Variants in FOXK2 observed in about 807,000 individuals in gnomAD.
FOXK2 encodes forkhead box K2, also known as forkhead box protein K2.
FOXK2 carries 24 observed loss-of-function variants against 53.3 expected under a neutral mutation model. That is an observed-to-expected ratio of 0.45 (90% CI 0.33 to 0.63). The LOEUF (loss-of-function observed/expected upper bound fraction) is 0.63. Among genes scored for constraint, FOXK2 ranks in the 30% least tolerant of loss-of-function variants. FOXK2 has a pLI of 0.03. For synonymous variants in FOXK2, 505 were observed against 407.1 expected (o/e 1.24, Z -2.89); for missense variants, 952 against 910.5 (o/e 1.05, Z -0.59).
At chr17:82,597,804 C>T (rs542073558) in intron 8 of FOXK2, among the ~76,000 whole-genome samples, 5 of 152,296 alleles carry the variant, frequency 3.3e-5, no homozygotes, top group Admixed American at 1.3e-4. Flanking sequence ...GTGCCCGCCA[C>T]CACACCTGGC....
chr17:82,538,257 GT>G, intron 1 of FOXK2, among the ~76,000 whole-genome samples: 1 of 152,192 alleles, frequency 6.6e-6, no homozygotes, highest in Non-Finnish European at 1.5e-5. Context: ...CGGGTGGGAG[GT>G]GGGAGGATTG....
intron 1 of FOXK2, among the ~76,000 whole-genome samples, chr17:82,542,409 C>T (rs2044583805): frequency 6.6e-6 from 1 of 152,106 alleles, no homozygotes; most frequent in Non-Finnish European, 1.5e-5. Context: ...AGGTGATCCG[C>T]CCGTCTCTGG....
At chr17:82,559,681 CCTT>C (rs1471473591) in intron 1 of FOXK2, among the ~76,000 whole-genome samples, 1 of 138,018 alleles carries the variant, frequency 7.2e-6, no homozygotes, top group East Asian at 2.5e-4. Context: ...CACCCACCCC[CCTT>C]GTTTGCAGAC....
chr17:82,560,225 G>T (rs1018786258), intron 1 of FOXK2, among the ~76,000 whole-genome samples: 1 of 151,992 alleles, frequency 6.6e-6, no homozygotes, highest in Admixed American at 6.6e-5. Flanking sequence ...AGGCAGGATG[G>T]TCTCGATCTC....
intron 2 of FOXK2, among the ~76,000 whole-genome samples, chr17:82,567,374 G>A (rs1160814367): frequency 6.6e-6 from 1 of 152,116 alleles, no homozygotes; most frequent in African/African-American, 2.4e-5. Flanking sequence ...CCCTTTAATC[G>A]GCACAGAGAT....
rs534083520 is a variant in FOXK2 at position 82,597,657 on chromosome 17, C to A, written c.1787-3646C>A. The stretch of plus-strand genomic sequence containing the variant: ...TTAAGTGTCACCATTTCTTTTCTTT[C>A]TTTTTTTTTTGAGACAGAGTTTTGC... On this transcript the variant is annotated intron_variant, in intron 8 of 8. Coordinates refer to ENST00000335255, the MANE Select transcript of FOXK2 (RefSeq NM_004514.4). Among the ~76,000 whole-genome samples, 31 of 149,606 alleles carry A rather than the reference C, an allele frequency of 2.1e-4. 1 individual carries two copies. In the South Asian group the frequency reaches 6.6e-3, roughly 32 times the overall value.
chr17:82,531,125 A>G (rs1422998160), intron 1 of FOXK2, among the ~76,000 whole-genome samples: 1 of 152,068 alleles, frequency 6.6e-6, no homozygotes, highest in East Asian at 1.9e-4. Context: ...AACTGCATGT[A>G]AGTGTTCTGT....
chr17:82,570,004 C>T (rs765246662), intron 3 of FOXK2, among the ~76,000 whole-genome samples: 16 of 152,140 alleles, frequency 1.1e-4, no homozygotes, highest in Non-Finnish European at 2.1e-4. Flanking sequence ...GGGCGGATCA[C>T]GAGGTCAGGA....
At chr17:82,588,944 A>T (rs2045226342) in intron 8 of FOXK2, among the ~76,000 whole-genome samples, 1 of 150,696 alleles carries the variant, frequency 6.6e-6, no homozygotes, top group African/African-American at 2.4e-5. Context: ...CTGTAGTTGT[A>T]GCTTCTCGGG....
At chr17:82,544,642 G>A (rs1166501819) in intron 1 of FOXK2, among the ~76,000 whole-genome samples, 1 of 152,184 alleles carries the variant, frequency 6.6e-6, no homozygotes, top group Non-Finnish European at 1.5e-5. Context: ...CTCAGTTTAG[G>A]TCAGAATTGG....
intron 8 of FOXK2, chr17:82,600,281 G>A (rs908817462): frequency 2.0e-5 from 3 of 152,398 alleles, no homozygotes; most frequent in Admixed American, 6.5e-5. Flanking sequence ...GAGCCAAGGC[G>A]GCGGCCTGGA....
chr17:82,529,541 C>T (rs1358793825), intron 1 of FOXK2, among the ~76,000 whole-genome samples: 1 of 152,028 alleles, frequency 6.6e-6, no homozygotes, highest in Non-Finnish European at 1.5e-5. Context: ...AGGCGCGTGC[C>T]CACTCCCAGC....
intron 8 of FOXK2, among the ~76,000 whole-genome samples, chr17:82,590,732 T>C (rs2045245236): frequency 6.6e-6 from 1 of 152,228 alleles, no homozygotes; most frequent in African/African-American, 2.4e-5. Context: ...ATTATGTTTA[T>C]ACTAAATTGT....
chr17:82,563,460 C>T lies in FOXK2; in HGVS notation c.526C>T (p.Gln176Ter). 1 of 1,614,176 alleles carries T rather than the reference C, an allele frequency of 6.2e-7. No homozygotes were observed. Among genetic ancestry groups the T allele is most frequent in the Non-Finnish European group, 8.5e-7 (1 of 1,180,038 alleles). ...EASESPVKAV[Q>*]PHISPLTINI... ...GTCTGAGTCTCCAGTGAAGGCCGTACAGCCACACATCTCGCCCCTGACCAT... is the reference window on the plus strand; with the variant it reads ...GTCTGAGTCTCCAGTGAAGGCCGTATAGCCACACATCTCGCCCCTGACCAT... The change falls in exon 2 of 9, where the codon CAG (glutamine) becomes TAG (stop). Residue 176 changes from glutamine (Q) to a stop codon, truncating the protein, a stop_gained. Transcript: ENST00000335255. LOFTEE classifies it high-confidence loss of function.
intron 1 of FOXK2, among the ~76,000 whole-genome samples, chr17:82,557,839 G>A (rs576745614): frequency 6.6e-6 from 1 of 152,194 alleles, no homozygotes; most frequent in Admixed American, 6.5e-5. Context: ...TTGTAGATAT[G>A]TGGGGGTCTT....
intron 8 of FOXK2, 185 bp downstream of exon 8, chr17:82,587,457 T>G: frequency 1.6e-6 from 1 of 612,448 alleles, no homozygotes; most frequent in African/African-American, 1.8e-5. Context: ...GTCATGGGAT[T>G]CCCGTGGGAG....
chr17:82,584,184 C>A lies in FOXK2; in HGVS notation c.1275C>A (p.Ala425=). Residue 425 remains alanine (A), a synonymous_variant, in exon 6 of 9, where the codon GCC becomes GCA. Coordinates refer to ENST00000335255, the MANE Select transcript of FOXK2 (RefSeq NM_004514.4). The part of the protein sequence containing the change: ...VIQEARFAQS[A]PGSPLSSQPV... ...AGGAAGCCCGGTTTGCCCAGAGCGC[C>A]CCAGGTGAGACAGCGGGAGAGGAAG... 3 of 1,594,726 alleles carry A rather than the reference C, an allele frequency of 1.9e-6. No individual in the cohort carries two copies. Among genetic ancestry groups the A allele is most frequent in the South Asian group, 1.1e-5 (1 of 89,978 alleles).
At chr17:82,582,623 T>TG (rs2045077811) in intron 4 of FOXK2, 118 bp from the exon 5 acceptor site, 1 of 767,350 alleles carries the variant, frequency 1.3e-6, no homozygotes, top group Non-Finnish European at 2.0e-6. Flanking sequence ...AATTCACTCT[T>TG]GCAGTCTGCC....
chr17:82,547,063 G>A (rs1165162958), intron 1 of FOXK2, among the ~76,000 whole-genome samples: 1 of 139,308 alleles, frequency 7.2e-6, no homozygotes, highest in Non-Finnish European at 1.5e-5. Flanking sequence ...GGCGACAGGA[G>A]CAAAAACTCC....
Sources: gnomAD v4.1 joint callset for allele counts (sites outside exome capture counted in the v4.1 genomes callset) on GRCh38, gnomAD v4.1.1 for gene constraint, MANE v1.5 for transcripts, NCBI Gene and HGNC (gene_info 2026-07-23, HGNC 2026-07-21) for gene names.